Variants in NDUFAF6 observed in about 807,000 individuals in gnomAD.
NDUFAF6 encodes NADH:ubiquinone oxidoreductase complex assembly factor 6.
NDUFAF6 carries 45 observed loss-of-function variants against 40.8 expected under a neutral mutation model. The ratio of observed to expected loss-of-function variants is 1.10; its 90% CI spans 0.87 to 1.42. NDUFAF6 has a LOEUF of 1.42. NDUFAF6 is among the 40% of genes most tolerant of loss of function. NDUFAF6 has a pLI of 0.00. For synonymous variants in NDUFAF6, 185 were observed against 155.9 expected, an observed-to-expected ratio of 1.19 and a Z score of -1.39; for missense variants, 435 against 418.5, an observed-to-expected ratio of 1.04 and a Z score of -0.34.
intron 2 of NDUFAF6, among the ~76,000 whole-genome samples, chr8:95,089,076 T>A (rs960367756): frequency 6.6e-6 from 1 of 151,602 alleles, no homozygotes; most frequent in Non-Finnish European, 1.5e-5. Flanking sequence ...TTTTCTTTTT[T>A]TTGAGACAAG....
At chr8:95,097,825 CA>C (rs1320810559), upstream of NDUFAF6, among the ~76,000 whole-genome samples, 1 of 152,230 alleles carries the variant, frequency 6.6e-6, no homozygotes, top group Non-Finnish European at 1.5e-5. Flanking sequence ...TTCTAAAATG[CA>C]AAGGCACTGG....
chr8:94,956,207 G>C (rs1025868489), upstream of NDUFAF6, among the ~76,000 whole-genome samples: 2 of 152,188 alleles, frequency 1.3e-5, no homozygotes, highest in African/African-American at 4.8e-5. Flanking sequence ...ACAATGCTTG[G>C]CACTATAGTA....
intron 2 of NDUFAF6, among the ~76,000 whole-genome samples, chr8:95,088,798 T>C (rs1277403410): frequency 6.6e-6 from 1 of 151,936 alleles, no homozygotes; most frequent in African/African-American, 2.4e-5. Context: ...TCTCACTTTG[T>C]CACCCAGACT....
chr8:94,981,412 T>A (rs1413029272), intron 2 of NDUFAF6, among the ~76,000 whole-genome samples: 1 of 152,218 alleles, frequency 6.6e-6, no homozygotes, highest in Admixed American at 6.5e-5. Context: ...TATATTGTTA[T>A]AGCAACAGAA....
intron 1 of NDUFAF6, among the ~76,000 whole-genome samples, chr8:94,940,445 C>CTGTG (rs60473555): frequency 2.9e-4 from 44 of 150,474 alleles, no homozygotes; most frequent in South Asian, 8.4e-4. Context: ...CACAGAAATT[C>CTGTG]TGTGTGTGTG....
At chr8:94,948,998 G>A (rs1226156632) in intron 2 of NDUFAF6, among the ~76,000 whole-genome samples, 1 of 149,820 alleles carries the variant, frequency 6.7e-6, no homozygotes, top group Admixed American at 6.6e-5. Flanking sequence ...GGCGGCGAGG[G>A]GAGGCAGCGA....
intron 1 of NDUFAF6, among the ~76,000 whole-genome samples, chr8:94,941,602 C>A (rs1202139241): frequency 6.6e-6 from 1 of 152,204 alleles, no homozygotes; most frequent in Admixed American, 6.5e-5. Flanking sequence ...ATACTTTGAC[C>A]TTCTAAACAA....
intron 2 of NDUFAF6, among the ~76,000 whole-genome samples, chr8:95,086,510 T>A (rs1809047113): frequency 6.6e-6 from 1 of 152,158 alleles, no homozygotes; most frequent in Non-Finnish European, 1.5e-5. Flanking sequence ...CCTCCTTCCC[T>A]TAAACCCTCC....
chr8:94,957,758 G>A (rs980268824), upstream of NDUFAF6, among the ~76,000 whole-genome samples: 1 of 152,222 alleles, frequency 6.6e-6, no homozygotes, highest in African/African-American at 2.4e-5. Flanking sequence ...CATTATTCAT[G>A]AAGGACATCT....
chr8:94,899,983 C>T (rs1208945128), intron 1 of NDUFAF6, among the ~76,000 whole-genome samples: 2 of 152,224 alleles, frequency 1.3e-5, no homozygotes, highest in African/African-American at 4.8e-5. Context: ...GGCACCTGCA[C>T]CTCATTCTCC....
chr8:94,913,016 G>A (rs1228871495), intron 1 of NDUFAF6, among the ~76,000 whole-genome samples: 1 of 152,144 alleles, frequency 6.6e-6, no homozygotes, highest in African/African-American at 2.4e-5. Flanking sequence ...GTGAAAGAGT[G>A]GAACAAATAT....
In NDUFAF6 at chr8:94,932,057, T is replaced by C. The variant is rs112270989; in HGVS notation, c.-935-13426T>C. ...ATACATATATCACACAGTCTCAAAGTGAATATACTTACTCTGTGCCCGTGA... is the reference window on the plus strand; with the variant it reads ...ATACATATATCACACAGTCTCAAAGCGAATATACTTACTCTGTGCCCGTGA... On this transcript the variant is annotated intron_variant, in intron 1 of 14. Transcript: ENST00000396113. 1.6e-4 allele frequency: 255 copies of C among 1,607,990 alleles called. No individual in the cohort carries two copies. The African/African-American group carries it at 2.9e-3, about 18-fold the overall frequency.
chr8:95,052,728 A>T (rs1198183347), intron 8 of NDUFAF6, among the ~76,000 whole-genome samples: 2 of 152,160 alleles, frequency 1.3e-5, no homozygotes, highest in Admixed American at 6.5e-5. Flanking sequence ...AAAACTTTTT[A>T]AAAATATAGA....
chr8:94,956,668 G>C (rs1823100738), upstream of NDUFAF6, among the ~76,000 whole-genome samples: 1 of 152,216 alleles, frequency 6.6e-6, no homozygotes, highest in South Asian at 2.1e-4. Context: ...TGGAAGGCAA[G>C]GAAATAAGAT....
At chr8:95,016,437 G>C (rs1243644224) in intron 2 of NDUFAF6, among the ~76,000 whole-genome samples, 1 of 152,168 alleles carries the variant, frequency 6.6e-6, no homozygotes, top group African/African-American at 2.4e-5. Context: ...TCTAACTACT[G>C]GTGAGCAGTT....
chr8:95,057,972 ATTAG>A lies in NDUFAF6; in HGVS notation c.*38_*41del. 1 of 1,502,452 alleles carries A rather than the reference ATTAG, an allele frequency of 6.7e-7. No individual in the cohort carries two copies. The highest frequency in any genetic ancestry group is 2.3e-5 in the East Asian group (1 of 43,986). 93.1% of individuals were successfully genotyped at this position (1,502,452 alleles called of 1,614,324 possible). A position where few individuals can be genotyped will look rare whatever the true frequency, so the allele number is the denominator to read the frequency against. The stretch of plus-strand genomic sequence containing the variant: ...ATGGCATTGATGTTAATTCTAGTCT[ATTAG>A]TTTTATAAAAGTTAGGATTCTTATT... On this transcript the variant is annotated 3_prime_UTR_variant, in exon 9 of 9. Coordinates refer to ENST00000396124, the MANE Select transcript of NDUFAF6 (RefSeq NM_152416.4).
rs556065794 is a variant in NDUFAF6, at chr8:94,909,348, CAAAAAAAAAAAAAAAAAA to C, written c.-936+13438_-936+13455del. On this transcript the variant is annotated intron_variant, in intron 1 of 14. Transcript: ENST00000396113. ...TGGACGACAGAGGGAGACTCCGTCTCAAAAAAAAAAAAAAAAAAAAAAAAAAAAAAAAAACACTTCGGG... is the reference window on the plus strand; with the variant it reads ...TGGACGACAGAGGGAGACTCCGTCTCAAAAAAAAAAAAAAAACACTTCGGG... 8.9e-3 allele frequency among the ~76,000 whole-genome samples: 818 copies of C among 91,832 alleles called. 20 individuals carry two copies. Among genetic ancestry groups the C allele is most frequent in the Middle Eastern group, 0.014 (2 of 146 alleles). The allele number at this position is 91,832 out of a possible 152,430, so 60.2% of individuals were successfully genotyped here.
chr8:94,999,424 T>C (rs1826613648), intron 2 of NDUFAF6, among the ~76,000 whole-genome samples: 2 of 151,790 alleles, frequency 1.3e-5, no homozygotes, highest in African/African-American at 4.8e-5. Flanking sequence ...ACCCAGCCTC[T>C]TTTTTTCTTT....
Position 95,018,175 on chromosome 8 carries a change from G to A in NDUFAF6, c.-83-13820G>A, listed in dbSNP as rs1360498603. On this transcript the variant is annotated intron_variant, in intron 2 of 9. Transcript: ENST00000396111. The stretch of plus-strand genomic sequence containing the variant: ...TCCAACTCAGCCTTTGAGTAGCTGG[G>A]ACCACAGGTGGGCACCACCATGCTT... 5.3e-5 allele frequency among the ~76,000 whole-genome samples: 8 copies of A among 150,586 alleles called. No individual in the cohort carries two copies. In the Admixed American group the frequency reaches 5.3e-4, roughly 10 times the overall value.
Sources: gnomAD v4.1 joint callset for allele counts (sites outside exome capture counted in the v4.1 genomes callset) on GRCh38, gnomAD v4.1.1 for gene constraint, MANE v1.5 for transcripts, NCBI Gene and HGNC (gene_info 2026-07-23, HGNC 2026-07-21) for gene names.